SLCO2A1: variants seen among roughly 807,000 people sequenced by gnomAD.
SLCO2A1 encodes the protein solute carrier organic anion transporter family member 2A1, also known as matrin F/G 1.
SLCO2A1 carries 60 observed loss-of-function variants against 71.7 expected under a neutral mutation model. The observed-to-expected ratio is 0.84, with a 90% confidence interval of 0.68 to 1.04. The LOEUF (loss-of-function observed/expected upper bound fraction) is 1.04, where lower values mean the gene tolerates loss of function less well. Ranked by LOEUF, SLCO2A1 falls within the 50% of genes least tolerant of loss-of-function variation. The pLI is 0.00. For missense variants in SLCO2A1, 745 were observed against 813.4 expected (o/e 0.92, Z 1.02); for synonymous variants, 308 against 326.7 (o/e 0.94, Z 0.62).
chr3:134,013,638 A>G (rs774111427), intron 1 of SLCO2A1, among the ~76,000 whole-genome samples: 22 of 152,198 alleles, frequency 1.4e-4, no homozygotes, highest in Non-Finnish European at 2.6e-4. Context: ...TTCCAATGTG[A>G]GGTCTGCCTG....
intron 1 of SLCO2A1, among the ~76,000 whole-genome samples, chr3:134,022,736 T>C (rs1935617150): frequency 6.6e-6 from 1 of 152,222 alleles, no homozygotes; most frequent in South Asian, 2.1e-4. Flanking sequence ...AAAATTTAGC[T>C]TATCTGGTGT....
At position 133,934,726 on chromosome 3, in the gene SLCO2A1, G is replaced by A. The variant is rs767518068; in HGVS notation, c.1919C>T (p.Ala640Val). 61 of 1,613,244 alleles carry A rather than the reference G, an allele frequency of 3.8e-5. No homozygotes were observed. In the South Asian group the frequency reaches 6.5e-4, roughly 17 times the overall value. Residue 640 changes from alanine (A) to valine (V), a missense_variant, in exon 14 of 14, where the codon GCA becomes GTA. By Grantham distance (64) the Ala-to-Val change is moderately conservative (BLOSUM62 0). Coordinates refer to ENST00000310926, the MANE Select transcript of SLCO2A1 (RefSeq NM_005630.3). ...KNKEYNVQKA[A>V]GLI ...CCCAGGGTGGGGTCAGATGAGGCCT[G>A]CCGCCTTCTGCACGTTGTACTCCTT...
At position 133,947,177 on chromosome 3, in the gene SLCO2A1, C is replaced by G. The variant is rs968890957; in HGVS notation, c.1295+79G>C. 5 of 1,222,048 alleles carry G rather than the reference C, an allele frequency of 4.1e-6. No individual in the cohort carries two copies. The African/African-American group carries it at 7.7e-5, about 19-fold the overall frequency. The allele number at this position is 1,222,048 out of a possible 1,614,324, so 75.7% of individuals were successfully genotyped here. A position where few individuals can be genotyped will look rare whatever the true frequency, so the allele number is the denominator to read the frequency against. On this transcript the variant is annotated intron_variant, in intron 9 of 13. Transcript: ENST00000310926. ...ACAGCAAAGAATAGAGTTAAGGAAG[C>G]AGGAAGGAAGATGTATAACAGCCAG...
intron 1 of SLCO2A1, among the ~76,000 whole-genome samples, chr3:133,986,840 A>G (rs573710620): frequency 1.3e-5 from 2 of 152,362 alleles, no homozygotes; most frequent in Admixed American, 1.3e-4. Context: ...AGAAAGCATC[A>G]AAGAACAGTC....
chr3:134,005,964 T>G (rs944196136), intron 1 of SLCO2A1, among the ~76,000 whole-genome samples: 1 of 152,182 alleles, frequency 6.6e-6, no homozygotes, highest in Non-Finnish European at 1.5e-5. Flanking sequence ...CTCTTTTGTC[T>G]TAGAAGGTAT....
In SLCO2A1 at chr3:133,942,727, T is replaced by C. The variant is rs1426987794; in HGVS notation, c.1503A>G (p.Ser501=). The change falls in exon 11 of 14, where the codon TCA becomes TCG. Residue 501 remains serine, a synonymous_variant. Transcript: ENST00000310926. ...NCSCVTGGSA[S]AKTGSCPVPC... is the part of the protein sequence containing the mutation. ...GGACAGGGCACGATCCTGTCTTTGCTGAAGCGGATCCCCCGGTCACACAGC... is the reference window on the plus strand; with the variant it reads ...GGACAGGGCACGATCCTGTCTTTGCCGAAGCGGATCCCCCGGTCACACAGC... The C allele has an allele frequency of 1.6e-5, 26 of 1,611,728 alleles. No homozygotes were observed. Among genetic ancestry groups the C allele is most frequent in the Admixed American group, 3.4e-5 (2 of 59,462 alleles).
rs951640876 is a variant in SLCO2A1 at position 134,014,241 on chromosome 3, A to C, written c.96+15466T>G. On this transcript the variant is annotated intron_variant, in intron 1 of 13. Coordinates refer to ENST00000310926, the MANE Select transcript of SLCO2A1 (RefSeq NM_005630.3). ...ACAGTGCCAAATGCTGACCAGACTG[A>C]GTGTTCCGAAGGTCACAAGTCCTGG... Among the ~76,000 whole-genome samples, 4 of 152,040 alleles carry C rather than the reference A, an allele frequency of 2.6e-5. 1 individual carries two copies. Among genetic ancestry groups the C allele is most frequent in the Admixed American group, 6.5e-5 (1 of 15,272 alleles).
chr3:133,989,603 C>G (rs1324343255), intron 1 of SLCO2A1, among the ~76,000 whole-genome samples: 1 of 152,194 alleles, frequency 6.6e-6, no homozygotes, highest in Non-Finnish European at 1.5e-5. Context: ...ATCAGTGTAA[C>G]ATGTGCATGT....
At chr3:133,969,768 A>G (rs1934283015) in intron 3 of SLCO2A1, among the ~76,000 whole-genome samples, 1 of 152,202 alleles carries the variant, frequency 6.6e-6, no homozygotes, top group Non-Finnish European at 1.5e-5. Flanking sequence ...CAGAAAGGTG[A>G]GGTAGCTTGC....
In SLCO2A1 at chr3:133,947,729, T is replaced by C. The variant is rs180868039; in HGVS notation, c.1106-284A>G. ...GTTGAATATGCATTTATTAAGCACA[T>C]TTCATTCCTTGGGGCCTCTTTGCAT... On this transcript the variant is annotated intron_variant, in intron 8 of 13. Transcript: ENST00000310926. 7.2e-5 allele frequency among the ~76,000 whole-genome samples: 11 copies of C among 152,288 alleles called. No homozygotes were observed. In the East Asian group the frequency reaches 2.1e-3, roughly 29 times the overall value.
At chr3:133,957,164 G>A (rs902555952) in intron 3 of SLCO2A1, among the ~76,000 whole-genome samples, 3 of 152,052 alleles carry the variant, frequency 2.0e-5, no homozygotes, top group Non-Finnish European at 2.9e-5. Context: ...CATCGCTGAC[G>A]TCACCGATCT....
At chr3:134,020,539 A>T (rs985514425) in intron 1 of SLCO2A1, among the ~76,000 whole-genome samples, 3 of 152,202 alleles carry the variant, frequency 2.0e-5, no homozygotes, top group African/African-American at 7.2e-5. Context: ...CCCATAGAGG[A>T]GCAACGCAGT....
chr3:134,001,884 A>G (rs956659135), intron 1 of SLCO2A1, among the ~76,000 whole-genome samples: 1 of 152,008 alleles, frequency 6.6e-6, no homozygotes, highest in African/African-American at 2.4e-5. Context: ...CTTCCACCCC[A>G]CCGCCATGAC....
At chr3:133,938,515 C>A in intron 11 of SLCO2A1, 22 bp from the exon 12 acceptor site, 2 of 1,612,854 alleles carry the variant, frequency 1.2e-6, no homozygotes, top group South Asian at 1.1e-5. Context: ...GACAGGAAAT[C>A]AGCAGTGGGA....
chr3:133,998,263 C>A (rs960959715), intron 1 of SLCO2A1, among the ~76,000 whole-genome samples: 3 of 152,212 alleles, frequency 2.0e-5, no homozygotes, highest in Admixed American at 2.0e-4. Flanking sequence ...ACTTAGGAAG[C>A]AGTCACTTTA....
At chr3:134,015,092 GATAAACAC>G (rs1935419179) in intron 1 of SLCO2A1, among the ~76,000 whole-genome samples, 1 of 152,134 alleles carries the variant, frequency 6.6e-6, no homozygotes, top group African/African-American at 2.4e-5. Context: ...GTATCCATAA[GATAAACAC>G]ATACCATTGC....
intron 1 of SLCO2A1, among the ~76,000 whole-genome samples, chr3:134,013,380 G>A (rs922921000): frequency 2.0e-5 from 3 of 152,194 alleles, no homozygotes; most frequent in South Asian, 2.1e-4. Flanking sequence ...GCAGCCAAAC[G>A]AGCAGCAGGA....
rs371765775 is a variant in SLCO2A1, at chr3:133,938,409, G to T, written c.1690+20C>A. 4.3e-6 allele frequency: 7 copies of T among 1,612,150 alleles called. No individual in the cohort carries two copies. The African/African-American group carries it at 9.3e-5, about 22-fold the overall frequency. On this transcript the variant is annotated intron_variant, in intron 12 of 13. Transcript: ENST00000310926. ...ATCGCCTGGGGCCACTTCTTGGGAA[G>T]AGGGGTCTTAGACACTTACCCAGCA...
intron 1 of SLCO2A1, among the ~76,000 whole-genome samples, chr3:134,029,237 G>A (rs1935766644): frequency 6.6e-6 from 1 of 152,154 alleles, no homozygotes; most frequent in Admixed American, 6.5e-5. Context: ...CCAGGACGAG[G>A]GGGCTCGGAC....
Sources: gnomAD v4.1 joint callset for allele counts (sites outside exome capture counted in the v4.1 genomes callset) on GRCh38, gnomAD v4.1.1 for gene constraint, MANE v1.5 for transcripts, NCBI Gene and HGNC (gene_info 2026-07-23, HGNC 2026-07-21) for gene names.